Variants in TSHR observed in about 807,000 individuals in gnomAD.
TSHR encodes the protein thyroid stimulating hormone receptor.
Under a neutral mutation model 64.1 loss-of-function variants are expected in TSHR, and 51 were observed. The observed-to-expected ratio is 0.80, with a 90% CI of 0.64 to 1.01. The LOEUF is 1.01. Among genes scored for constraint, TSHR ranks in the 50% least tolerant of loss-of-function variants. The probability of loss-of-function intolerance (pLI) is 0.00; values close to 1 mark genes in which losing one functional copy is unlikely to be tolerated. For missense variants in TSHR, 877 were observed against 942.8 expected, an observed-to-expected ratio of 0.93 and a Z score of 0.91; for synonymous variants, 361 against 361.9, an observed-to-expected ratio of 1.00 and a Z score of 0.03.
chr14:81,090,032 T>G (rs1020804953), intron 4 of TSHR, among the ~76,000 whole-genome samples: 13 of 151,586 alleles, frequency 8.6e-5, no homozygotes, highest in Admixed American at 8.5e-4. Flanking sequence ...TCTCACTCTA[T>G]GCTATGCCAA....
chr14:80,992,136 T>A (rs1594927281), intron 1 of TSHR: 1 of 152,282 alleles, frequency 6.6e-6, no homozygotes. Flanking sequence ...GCGTGGTGGC[T>A]CACGCCTGTA....
chr14:81,108,755 A>G, intron 8 of TSHR: 1 of 1,608,776 alleles, frequency 6.2e-7, no homozygotes, highest in South Asian at 1.1e-5. Context: ...TGTTTGAAAA[A>G]TTTTGAAATG....
At chr14:81,126,088 G>T (rs1437647018) in intron 8 of TSHR, among the ~76,000 whole-genome samples, 3 of 151,938 alleles carry the variant, frequency 2.0e-5, no homozygotes, top group East Asian at 3.9e-4. Flanking sequence ...CTAATTTATT[G>T]ATTGGTAGCA....
At chr14:81,108,044 G>A (rs1890012247) in intron 7 of TSHR, among the ~76,000 whole-genome samples, 1 of 151,998 alleles carries the variant, frequency 6.6e-6, no homozygotes, top group Non-Finnish European at 1.5e-5. Context: ...GTATTACAGA[G>A]GATTGGCATT....
intron 8 of TSHR, among the ~76,000 whole-genome samples, chr14:81,119,572 T>C (rs375697431): frequency 1.0e-3 from 114 of 110,202 alleles, no homozygotes; most frequent in East Asian, 1.9e-3. Flanking sequence ...CACTTTTACA[T>C]TGTTGGTGGG....
chr14:81,011,635 C>G (rs1193667896), intron 1 of TSHR, among the ~76,000 whole-genome samples: 1 of 151,964 alleles, frequency 6.6e-6, no homozygotes, highest in Non-Finnish European at 1.5e-5. Flanking sequence ...ACTAGTTCAT[C>G]AGGTTCTAAA....
At chr14:80,987,589 A>G (rs1888529824) in intron 1 of TSHR, among the ~76,000 whole-genome samples, 1 of 152,218 alleles carries the variant, frequency 6.6e-6, no homozygotes, top group Non-Finnish European at 1.5e-5. Context: ...CCATCAGGTC[A>G]CGCAGCTCTG....
rs73338237 is a variant in TSHR at position 81,105,543 on chromosome 14, T to C, written c.615-2832T>C. On this transcript the variant is annotated intron_variant, in intron 7 of 9. Transcript: ENST00000298171. ...CTCCGTTCATCTTGGCCAGGGCTCC[T>C]CTGCATCCTCCTCCTCCCCTCCTGG... Among the ~76,000 whole-genome samples the C allele has an allele frequency of 5.7e-3, 869 of 152,336 alleles. 8 individuals carry two copies. Among genetic ancestry groups the C allele is most frequent in the African/African-American group, 0.02 (813 of 41,568 alleles).
intron 8 of TSHR, among the ~76,000 whole-genome samples, chr14:81,133,550 C>T (rs1351049927): frequency 6.6e-6 from 1 of 152,140 alleles, no homozygotes; most frequent in Admixed American, 6.6e-5. Context: ...ATTCCAACAG[C>T]CAAGTACCTC....
In TSHR at chr14:81,115,312, A is replaced by T. The variant is rs1339368061; in HGVS notation, c.692+6860A>T. Among the ~76,000 whole-genome samples, 16 of 150,990 alleles carry T rather than the reference A, an allele frequency of 1.1e-4. No homozygotes were observed. In the East Asian group the frequency reaches 2.9e-3, roughly 28 times the overall value. Reference sequence around the variant, plus strand: ...ATTTAGAAGAATGTATAACGAGAATAACCAATACAGAGAAGTGCTTAAAGG... The same window carrying T: ...ATTTAGAAGAATGTATAACGAGAATTACCAATACAGAGAAGTGCTTAAAGG... On this transcript the variant is annotated intron_variant, in intron 8 of 9. Transcript: ENST00000298171.
Position 81,145,215 on chromosome 14 carries a change from A to G in TSHR, c.*862A>G. On this transcript the variant is annotated 3_prime_UTR_variant, in exon 10 of 10. Coordinates refer to ENST00000298171, the MANE Select transcript of TSHR (RefSeq NM_000369.5). ...AATTAACTATGGGACTTAAATCTGTAGAAATGAAGGAGTCCAATAGCTTCT... is the reference window on the plus strand; with the variant it reads ...AATTAACTATGGGACTTAAATCTGTGGAAATGAAGGAGTCCAATAGCTTCT... 4.3e-6 allele frequency: 1 copy of G among 233,132 alleles called. No homozygotes were observed. The highest frequency in any genetic ancestry group is 8.5e-6 in the Non-Finnish European group (1 of 117,970). 14.4% of individuals were successfully genotyped at this position (233,132 alleles called of 1,614,324 possible). A position where few individuals can be genotyped will look rare whatever the true frequency, so the allele number is the denominator to read the frequency against.
At chr14:81,019,886 T>G (rs1277387648) in intron 1 of TSHR, among the ~76,000 whole-genome samples, 1 of 152,198 alleles carries the variant, frequency 6.6e-6, no homozygotes, top group African/African-American at 2.4e-5. Flanking sequence ...TGGTTCCAAG[T>G]CTTTACTCTT....
At chr14:81,005,822 C>T (rs892957281) in intron 1 of TSHR, among the ~76,000 whole-genome samples, 2 of 152,190 alleles carry the variant, frequency 1.3e-5, no homozygotes, top group Admixed American at 6.5e-5. Flanking sequence ...ATAATTTGAC[C>T]TCTGCTTAAA....
At chr14:81,049,116 G>A (rs183961523) in intron 1 of TSHR, among the ~76,000 whole-genome samples, 28 of 152,226 alleles carry the variant, frequency 1.8e-4, no homozygotes, top group Non-Finnish European at 3.2e-4. Context: ...CTGTACTCAC[G>A]TAGGTCTTGT....
At chr14:81,114,678 A>G (rs1360190351) in intron 8 of TSHR, among the ~76,000 whole-genome samples, 1 of 152,214 alleles carries the variant, frequency 6.6e-6, no homozygotes, top group Non-Finnish European at 1.5e-5. Flanking sequence ...GGAGCCCACC[A>G]CAGCTCAAGG....
chr14:81,001,370 G>A (rs534396241), intron 1 of TSHR: 3 of 354,430 alleles, frequency 8.5e-6, no homozygotes, highest in South Asian at 4.7e-5. Context: ...TCTTGATGTG[G>A]CAGGGAGAGT....
At chr14:81,014,315 G>A (rs1890067307) in intron 1 of TSHR, 1 of 152,190 alleles carries the variant, frequency 6.6e-6, no homozygotes, top group Non-Finnish European at 1.5e-5. Context: ...GAAATGGCTG[G>A]AAATTAGAGG....
chr14:81,117,294 C>T (rs866233497), intron 8 of TSHR, among the ~76,000 whole-genome samples: 13 of 109,890 alleles, frequency 1.2e-4, no homozygotes, highest in Middle Eastern at 8.5e-3. Context: ...AGCAAGACTA[C>T]TAAAGAAAAA....
chr14:81,143,255 C>T lies in TSHR; in HGVS notation c.1197C>T (p.Thr399=). The T allele has an allele frequency of 6.2e-7, 1 of 1,614,116 alleles. No homozygotes were observed. Among genetic ancestry groups the T allele is most frequent in the Non-Finnish European group, 8.5e-7 (1 of 1,180,034 alleles). The stretch of plus-strand genomic sequence containing the variant: ...GGGACAGTGAAGACATGGTGTGTAC[C>T]CCCAAGTCCGATGAGTTCAACCCGT... ...ICGDSEDMVC[T]PKSDEFNPCE... Residue 399 remains threonine, a synonymous_variant, in exon 10 of 10, where the codon ACC becomes ACT. Transcript: ENST00000298171.
Sources: allele counts gnomAD v4.1 joint callset (sites outside exome capture counted in the v4.1 genomes callset), GRCh38; gene constraint gnomAD v4.1.1; transcripts MANE v1.5; gene names NCBI Gene and HGNC (gene_info 2026-07-23, HGNC 2026-07-21).